The following NAALADL2 variants were observed in gnomAD, a reference collection of about 807,000 sequenced individuals.
The protein encoded by NAALADL2 is inactive N-acetylated-alpha-linked acidic dipeptidase-like protein 2.
In NAALADL2, 76 loss-of-function variants were observed where a neutral mutation model predicts 87.2. The observed-to-expected ratio is 0.87, with a 90% CI of 0.72 to 1.05. The LOEUF is 1.05. NAALADL2 is among the 50% of genes least tolerant of loss of function. The pLI is 0.00. For missense variants in NAALADL2, 1,089 were observed against 945.8 expected (o/e 1.15, Z -1.99); for synonymous variants, 354 against 331.0 (o/e 1.07, Z -0.75).
At chr3:175,050,193 A>G (rs899808915) in intron 1 of NAALADL2, among the ~76,000 whole-genome samples, 2 of 152,172 alleles carry the variant, frequency 1.3e-5, no homozygotes, top group Non-Finnish European at 2.9e-5. Context: ...GGCTCTGGCA[A>G]CCCGTGATAC....
chr3:175,476,752 G>GT (rs916969683), intron 9 of NAALADL2, among the ~76,000 whole-genome samples: 1 of 152,072 alleles, frequency 6.6e-6, no homozygotes, highest in Non-Finnish European at 1.5e-5. Flanking sequence ...AACAGCCACT[G>GT]TATTGTTTTA....
chr3:174,653,346 GCTT>G (rs1163497021), intron 2 of NAALADL2, among the ~76,000 whole-genome samples: 1 of 152,024 alleles, frequency 6.6e-6, no homozygotes, highest in African/African-American at 2.4e-5. Context: ...GTAAACAAGT[GCTT>G]CTTTTTTTGT....
chr3:175,339,848 C>G (rs1409305536), intron 5 of NAALADL2, among the ~76,000 whole-genome samples: 2 of 152,078 alleles, frequency 1.3e-5, no homozygotes, highest in Non-Finnish European at 2.9e-5. Context: ...ATGAATTTCT[C>G]TTGTGTAAAA....
At chr3:174,913,716 C>T (rs1734007644) in intron 1 of NAALADL2, among the ~76,000 whole-genome samples, 2 of 152,306 alleles carry the variant, frequency 1.3e-5, no homozygotes, top group African/African-American at 4.8e-5. Flanking sequence ...GTAATGGGCA[C>T]TCAATAAATA....
chr3:175,102,224 G>A (rs536953999), intron 2 of NAALADL2, among the ~76,000 whole-genome samples: 1 of 152,140 alleles, frequency 6.6e-6, no homozygotes, highest in East Asian at 1.9e-4. Context: ...AAATCCAATT[G>A]TGCCTATTTA....
intron 1 of NAALADL2, among the ~76,000 whole-genome samples, chr3:175,087,536 T>C (rs1719257726): frequency 6.6e-6 from 1 of 152,182 alleles, no homozygotes; most frequent in Admixed American, 6.5e-5. Context: ...GAAGTAGACA[T>C]AGGAGACTCC....
intron 2 of NAALADL2, among the ~76,000 whole-genome samples, chr3:174,709,010 C>G (rs547609223): frequency 2.2e-4 from 34 of 152,172 alleles, no homozygotes; most frequent in African/African-American, 8.2e-4. Flanking sequence ...CAACATGATT[C>G]AAATTATTTT....
intron 4 of NAALADL2, among the ~76,000 whole-genome samples, chr3:175,295,729 A>ACG (rs1345751051): frequency 6.6e-6 from 1 of 151,378 alleles, no homozygotes; most frequent in East Asian, 1.9e-4. Context: ...ACACACACAC[A>ACG]CACACACACA....
At chr3:175,671,314 CT>C (rs1337945347) in intron 11 of NAALADL2, among the ~76,000 whole-genome samples, 2 of 151,996 alleles carry the variant, frequency 1.3e-5, no homozygotes, top group African/African-American at 2.4e-5. Flanking sequence ...GCATGAGTAA[CT>C]TTTTACATTA....
At chr3:175,581,348 A>G (rs1164074143) in intron 10 of NAALADL2, 1 of 159,058 alleles carries the variant, frequency 6.3e-6, no homozygotes, top group Non-Finnish European at 1.4e-5. Flanking sequence ...AGGCTGAGAT[A>G]GAAGAATCAC....
chr3:174,480,464 T>G (rs1244163970), intron 1 of NAALADL2, among the ~76,000 whole-genome samples: 1 of 151,544 alleles, frequency 6.6e-6, no homozygotes, highest in Non-Finnish European at 1.5e-5. Context: ...CTTTTTCTGT[T>G]TTTTTGGTGT....
chr3:175,718,354 A>G (rs573101387), intron 11 of NAALADL2: 18 of 1,602,806 alleles, frequency 1.1e-5, no homozygotes, highest in Middle Eastern at 2.2e-4. Context: ...GCTAGCACTG[A>G]TATGCTCTTG....
chr3:175,043,585 AT>A (rs1189050520), intron 1 of NAALADL2, among the ~76,000 whole-genome samples: 4 of 151,994 alleles, frequency 2.6e-5, no homozygotes, highest in African/African-American at 9.7e-5. Context: ...TCCAATTTTA[AT>A]TTTTTACATG....
intron 1 of NAALADL2, among the ~76,000 whole-genome samples, chr3:175,049,527 G>A (rs562812117): frequency 2.6e-5 from 4 of 152,178 alleles, no homozygotes; most frequent in African/African-American, 4.8e-5. Context: ...CAATGCTATC[G>A]TCAGGACTCC....
intron 2 of NAALADL2, among the ~76,000 whole-genome samples, chr3:174,711,565 C>T (rs147443967): frequency 6.6e-6 from 1 of 152,266 alleles, no homozygotes; most frequent in Non-Finnish European, 1.5e-5. Flanking sequence ...GGGTAAACTT[C>T]CAAAGTGTGT....
At chr3:174,489,324 T>C (rs1718042042) in intron 1 of NAALADL2, among the ~76,000 whole-genome samples, 1 of 151,910 alleles carries the variant, frequency 6.6e-6, no homozygotes, top group Non-Finnish European at 1.5e-5. Context: ...TCCTACTATA[T>C]ACAAAAACGA....
In NAALADL2 at chr3:174,514,763, A is replaced by C. The variant is rs148828077; in HGVS notation, c.-183-35806A>C. On this transcript the variant is annotated intron_variant, in intron 1 of 3. Coordinates refer to the NAALADL2 transcript ENST00000434257. ...ATGATGTTTTATTATCAACCTCTGG[A>C]GAGTATAACTAAAGACAATTTAGAA... Among the ~76,000 whole-genome samples, 62 of 152,154 alleles carry C rather than the reference A, an allele frequency of 4.1e-4. No homozygotes were observed. In the East Asian group the frequency reaches 9.5e-3, roughly 23 times the overall value.
At chr3:175,231,370 T>G (rs560588997) in intron 2 of NAALADL2, among the ~76,000 whole-genome samples, 1 of 152,080 alleles carries the variant, frequency 6.6e-6, no homozygotes, top group Admixed American at 6.6e-5. Context: ...GTGTTTAAAT[T>G]ATTTCATATT....
intron 1 of NAALADL2, among the ~76,000 whole-genome samples, chr3:174,917,877 G>C (rs578146839): frequency 7.9e-4 from 120 of 151,708 alleles, no homozygotes; most frequent in African/African-American, 2.8e-3. Context: ...TCTAATTTTC[G>C]TCATAATTTT....
Sources: gnomAD v4.1 joint callset for allele counts (sites outside exome capture counted in the v4.1 genomes callset) on GRCh38, gnomAD v4.1.1 for gene constraint, MANE v1.5 for transcripts, NCBI Gene and HGNC (gene_info 2026-07-23, HGNC 2026-07-21) for gene names.